NCKAP5: variants seen among roughly 807,000 people sequenced by gnomAD.
NCKAP5 encodes NCK associated protein 5, also known as nck-associated protein 5.
Under a neutral mutation model 167.0 loss-of-function variants are expected in NCKAP5, and 92 were observed. That is an observed-to-expected ratio of 0.55 (90% CI 0.47 to 0.66). The LOEUF (loss-of-function observed/expected upper bound fraction) is 0.66. Ranked by LOEUF, NCKAP5 falls within the 30% of genes least tolerant of loss-of-function variation. The pLI, the probability that NCKAP5 is intolerant of heterozygous loss-of-function variation, is 0.00. For synonymous variants in NCKAP5, 891 were observed against 877.4 expected, an observed-to-expected ratio of 1.02 and a Z score of -0.27; for missense variants, 2,378 against 2,315.0, an observed-to-expected ratio of 1.03 and a Z score of -0.56.
chr2:132,784,418 T>G lies in NCKAP5; in HGVS notation c.2393A>C (p.Gln798Pro). ...SSAPMGIYQK[Q>P]NLTKIPPRGK... The stretch of plus-strand genomic sequence containing the variant: ...CCTGGGAGGTATTTTTGTCAGATTT[T>G]GCTTTTGATAGATGCCCATGGGTGC... The change falls in exon 14 of 20, where the codon CAA becomes CCA. Residue 798 changes from glutamine to proline, a missense_variant. Physicochemically the swap from Gln to Pro is moderately conservative, Grantham distance 76. Around this residue, in one of 3 missense-constraint regions of NCKAP5, gnomAD observed 1,049 missense variants for 1,023.4 expected, o/e 1.02. Coordinates refer to ENST00000409261, the MANE Select transcript of NCKAP5 (RefSeq NM_207363.3). 1 of 1,613,092 alleles carries G rather than the reference T, an allele frequency of 6.2e-7. No individual in the cohort carries two copies. Among genetic ancestry groups the G allele is most frequent in the African/African-American group, 1.3e-5 (1 of 74,934 alleles).
intron 11 of NCKAP5, among the ~76,000 whole-genome samples, chr2:132,817,617 T>A (rs192247568): frequency 1.2e-4 from 19 of 152,314 alleles, no homozygotes; most frequent in African/African-American, 4.6e-4. Context: ...GAAACCATTT[T>A]TCCTTTCCTT....
chr2:133,345,481 T>C (rs1340130909), intron 3 of NCKAP5, among the ~76,000 whole-genome samples: 2 of 152,186 alleles, frequency 1.3e-5, no homozygotes, highest in African/African-American at 4.8e-5. Flanking sequence ...TATGGAGCAA[T>C]GGTTCTTAAC....
intron 8 of NCKAP5, among the ~76,000 whole-genome samples, chr2:132,912,084 G>C (rs1694499424): frequency 6.6e-6 from 1 of 151,894 alleles, no homozygotes; most frequent in Non-Finnish European, 1.5e-5. Context: ...CTCAGCAGAG[G>C]ACTAGCTCTC....
At chr2:132,998,224 C>G (rs991905300) in intron 6 of NCKAP5, among the ~76,000 whole-genome samples, 2 of 152,176 alleles carry the variant, frequency 1.3e-5, no homozygotes, top group Non-Finnish European at 2.9e-5. Context: ...GCTAAATTAT[C>G]TCTTCTGTAA....
chr2:133,116,501 A>AG, intron 6 of NCKAP5, among the ~76,000 whole-genome samples: 1 of 149,902 alleles, frequency 6.7e-6, no homozygotes, highest in African/African-American at 2.4e-5. Context: ...AAAAAAAAAA[A>AG]AAAAAAAAAA....
intron 11 of NCKAP5, among the ~76,000 whole-genome samples, chr2:132,801,438 CAT>C (rs1322771340): frequency 6.6e-6 from 1 of 152,172 alleles, no homozygotes; most frequent in Non-Finnish European, 1.5e-5. Flanking sequence ...GGTGCACACA[CAT>C]GTTCATATAT....
At chr2:133,081,215 T>G (rs6712510) in intron 6 of NCKAP5, among the ~76,000 whole-genome samples, 45,259 of 152,064 alleles carry the variant, frequency 0.3, 7,184 homozygotes, top group Non-Finnish European at 0.34. Context: ...AATTAATATT[T>G]TACGCTCTCT....
intron 6 of NCKAP5, among the ~76,000 whole-genome samples, chr2:133,110,344 C>T (rs1438353953): frequency 6.6e-6 from 1 of 152,068 alleles, no homozygotes; most frequent in South Asian, 2.1e-4. Flanking sequence ...ACTAGTAGGG[C>T]CTGGCATCAA....
At chr2:132,828,612 C>T (rs1457556791) in intron 11 of NCKAP5, among the ~76,000 whole-genome samples, 2 of 152,166 alleles carry the variant, frequency 1.3e-5, no homozygotes, top group East Asian at 3.8e-4. Flanking sequence ...ATTACCCAGT[C>T]TCAGGTATTT....
At chr2:133,108,745 T>C (rs572242260) in intron 6 of NCKAP5, among the ~76,000 whole-genome samples, 2 of 152,350 alleles carry the variant, frequency 1.3e-5, no homozygotes, top group South Asian at 4.1e-4. Context: ...TGTGCTTCTA[T>C]GAGTTCAACT....
At chr2:133,090,436 A>G (rs996738523) in intron 6 of NCKAP5, among the ~76,000 whole-genome samples, 4 of 151,888 alleles carry the variant, frequency 2.6e-5, no homozygotes, top group African/African-American at 9.7e-5. Context: ...TTGTGGAGGC[A>G]GTGGGAGACC....
At chr2:133,507,113 C>A (rs1361170353) in intron 3 of NCKAP5, among the ~76,000 whole-genome samples, 1 of 152,206 alleles carries the variant, frequency 6.6e-6, no homozygotes, top group Non-Finnish European at 1.5e-5. Context: ...CTGGCCTCAT[C>A]CCAGTCTGTC....
rs557482925 is a variant in NCKAP5, at chr2:133,509,119, T to A, written c.69+8339A>T. ...AGCCATCCATGGGCAGATGCTATGG[T>A]CAGCACTAATGGCACGTGAAGCTAC... On this transcript the variant is annotated intron_variant, in intron 3 of 19. Transcript: ENST00000409261. Among the ~76,000 whole-genome samples the A allele has an allele frequency of 2.0e-5, 3 of 152,268 alleles. No homozygotes were observed. The East Asian group carries it at 5.8e-4, about 29-fold the overall frequency.
chr2:133,559,894 G>A (rs1323403346), intron 1 of NCKAP5, among the ~76,000 whole-genome samples: 1 of 152,138 alleles, frequency 6.6e-6, no homozygotes. Context: ...CCCAAAGTAG[G>A]AAACAAAAAG....
intron 5 of NCKAP5, among the ~76,000 whole-genome samples, chr2:133,152,668 T>G (rs1372865550): frequency 6.6e-6 from 1 of 152,120 alleles, no homozygotes; most frequent in African/African-American, 2.4e-5. Context: ...TACTGCTAAG[T>G]GAAAAGAGCC....
At chr2:132,977,404 A>G (rs947350350) in intron 7 of NCKAP5, among the ~76,000 whole-genome samples, 5 of 152,192 alleles carry the variant, frequency 3.3e-5, no homozygotes, top group African/African-American at 4.8e-5. Flanking sequence ...TCTCTTAGAA[A>G]ATGAGATTTT....
chr2:133,483,094 C>G (rs1479551679), intron 3 of NCKAP5, among the ~76,000 whole-genome samples: 1 of 152,156 alleles, frequency 6.6e-6, no homozygotes, highest in Non-Finnish European at 1.5e-5. Flanking sequence ...ATCTATCTAG[C>G]TATTGTCCTT....
chr2:132,844,553 G>A (rs1193752617), intron 11 of NCKAP5, among the ~76,000 whole-genome samples: 1 of 152,070 alleles, frequency 6.6e-6, no homozygotes, highest in Admixed American at 6.6e-5. Context: ...CACATAACCT[G>A]TATTGCTTTG....
chr2:132,765,383 C>T (rs369641029), intron 16 of NCKAP5, among the ~76,000 whole-genome samples: 4 of 143,068 alleles, frequency 2.8e-5, no homozygotes, highest in African/African-American at 7.9e-5. Flanking sequence ...GGCATGATCT[C>T]GGCTTACTGC....
Sources: gnomAD v4.1 joint callset for allele counts (sites outside exome capture counted in the v4.1 genomes callset) on GRCh38, gnomAD v4.1.1 for gene constraint, gnomAD v4.1.1 regional missense constraint, MANE v1.5 for transcripts, NCBI Gene and HGNC (gene_info 2026-07-23, HGNC 2026-07-21) for gene names.